Variants in TGFBR3 observed in about 807,000 individuals in gnomAD.
TGFBR3 encodes transforming growth factor beta receptor 3.
Under a neutral mutation model 87.9 loss-of-function variants are expected in TGFBR3, and 46 were observed. That is an observed-to-expected ratio of 0.52 (90% confidence interval 0.41 to 0.67). The LOEUF (loss-of-function observed/expected upper bound fraction) is 0.67. Ranked by LOEUF, TGFBR3 falls within the 30% of genes least tolerant of loss-of-function variation. TGFBR3 has a pLI of 0.00. For synonymous variants in TGFBR3, 381 were observed against 391.6 expected, an observed-to-expected ratio of 0.97 and a Z score of 0.32; for missense variants, 866 against 1,041.9, an observed-to-expected ratio of 0.83 and a Z score of 2.32.
At chr1:91,776,748 T>G (rs1674580818) in intron 3 of TGFBR3, among the ~76,000 whole-genome samples, 1 of 152,200 alleles carries the variant, frequency 6.6e-6, no homozygotes, top group African/African-American at 2.4e-5. Flanking sequence ...ACACTTGGCT[T>G]CCTCATGAGG....
chr1:91,716,929 A>C (rs1319566767), intron 10 of TGFBR3, among the ~76,000 whole-genome samples: 1 of 152,236 alleles, frequency 6.6e-6, no homozygotes, highest in Non-Finnish European at 1.5e-5. Context: ...AGCTAAACTA[A>C]TATTTGTATC....
intron 3 of TGFBR3, among the ~76,000 whole-genome samples, chr1:91,784,562 G>A (rs941125754): frequency 2.6e-5 from 4 of 152,150 alleles, no homozygotes; most frequent in Admixed American, 6.5e-5. Context: ...GATTCAGAGC[G>A]ATGTTTAGAA....
At chr1:91,809,398 G>A (rs757464285) in intron 2 of TGFBR3, among the ~76,000 whole-genome samples, 2 of 152,208 alleles carry the variant, frequency 1.3e-5, no homozygotes, top group Non-Finnish European at 2.9e-5. Flanking sequence ...GCCAGGGTCT[G>A]GGGTGCAGAG....
At position 91,683,784 on chromosome 1, in the gene TGFBR3, G is replaced by T; in HGVS notation, c.2511C>A (p.Ile837=). 1 of 1,605,638 alleles carries T rather than the reference G, an allele frequency of 6.2e-7. No homozygotes were observed. The highest frequency in any genetic ancestry group is 8.5e-7 in the Non-Finnish European group (1 of 1,177,200). The change falls in exon 17 of 17, where the codon ATC becomes ATA. Residue 837 remains isoleucine (I), a synonymous_variant. Coordinates refer to ENST00000212355, the MANE Select transcript of TGFBR3 (RefSeq NM_003243.5). ...AGCAAGGCGTGCTCTGCGTGCTGCCGATGCTGTGGGCAGCACTGCTGTTTT... is the reference window on the plus strand; with the variant it reads ...AGCAAGGCGTGCTCTGCGTGCTGCCTATGCTGTGGGCAGCACTGCTGTTTT... ...ASENSSAAHS[I]GSTQSTPCSS...
chr1:91,775,009 G>A (rs949303963), intron 3 of TGFBR3, among the ~76,000 whole-genome samples: 3 of 152,170 alleles, frequency 2.0e-5, no homozygotes, highest in African/African-American at 7.2e-5. Flanking sequence ...CCAAATGTTT[G>A]TTATAGATAA....
At chr1:91,731,943 G>A (rs1672790135) in intron 5 of TGFBR3, among the ~76,000 whole-genome samples, 1 of 152,198 alleles carries the variant, frequency 6.6e-6, no homozygotes, top group African/African-American at 2.4e-5. Flanking sequence ...TTTGTTGTGT[G>A]TGGTTTCTCC....
At chr1:91,825,751 C>T (rs1021141907) in intron 2 of TGFBR3, among the ~76,000 whole-genome samples, 7 of 152,114 alleles carry the variant, frequency 4.6e-5, no homozygotes, top group Non-Finnish European at 7.4e-5. Flanking sequence ...GAGGCCAAGG[C>T]GGGTGGATCA....
intron 1 of TGFBR3, among the ~76,000 whole-genome samples, chr1:91,900,940 G>A (rs1160750377): frequency 6.6e-6 from 1 of 152,172 alleles, no homozygotes; most frequent in Non-Finnish European, 1.5e-5. Context: ...TGCTCAGGCT[G>A]GCCTCAAACT....
intron 2 of TGFBR3, among the ~76,000 whole-genome samples, chr1:91,828,317 T>G (rs1676721965): frequency 6.6e-6 from 1 of 152,198 alleles, no homozygotes; most frequent in South Asian, 2.1e-4. Flanking sequence ...TATTTTGGCT[T>G]CATTAACTAG....
upstream of TGFBR3, among the ~76,000 whole-genome samples, chr1:91,888,408 A>G (rs1679380440): frequency 6.6e-6 from 1 of 152,242 alleles, no homozygotes; most frequent in Non-Finnish European, 1.5e-5. Flanking sequence ...TTAATCCCAC[A>G]TTTAAATGCA....
chr1:91,790,079 G>A (rs1169679329), intron 3 of TGFBR3, among the ~76,000 whole-genome samples: 1 of 152,176 alleles, frequency 6.6e-6, no homozygotes, highest in East Asian at 1.9e-4. Flanking sequence ...GAAATGGGCA[G>A]GTGGGGAGAG....
At chr1:91,793,034 C>T (rs1287248394) in intron 3 of TGFBR3, among the ~76,000 whole-genome samples, 1 of 152,174 alleles carries the variant, frequency 6.6e-6, no homozygotes, top group African/African-American at 2.4e-5. Flanking sequence ...CAAAACATTG[C>T]TTTGGTACTG....
intron 1 of TGFBR3, among the ~76,000 whole-genome samples, chr1:91,883,977 A>C (rs753014219): frequency 6.6e-6 from 1 of 152,202 alleles, no homozygotes; most frequent in Non-Finnish European, 1.5e-5. Context: ...AAGGAAGCCA[A>C]GTAATGGTGA....
intron 2 of TGFBR3, among the ~76,000 whole-genome samples, chr1:91,896,956 T>G (rs1679566847): frequency 6.6e-6 from 1 of 151,830 alleles, no homozygotes; most frequent in African/African-American, 2.4e-5. Context: ...GTATATATCT[T>G]TTTTAACTTT....
At chr1:91,845,705 A>C (rs1194411657) in intron 2 of TGFBR3, among the ~76,000 whole-genome samples, 1 of 152,078 alleles carries the variant, frequency 6.6e-6, no homozygotes, top group Admixed American at 6.5e-5. Context: ...CATGCACTTG[A>C]TTTCAAATGA....
At chr1:91,752,654 C>T (rs1386292843) in intron 4 of TGFBR3, among the ~76,000 whole-genome samples, 1 of 151,872 alleles carries the variant, frequency 6.6e-6, no homozygotes, top group African/African-American at 2.4e-5. Flanking sequence ...GTCTGCTTGT[C>T]CTAGGGCTCC....
chr1:91,695,017 T>C (rs1304410662), intron 16 of TGFBR3, among the ~76,000 whole-genome samples: 1 of 152,148 alleles, frequency 6.6e-6, no homozygotes, highest in Non-Finnish European at 1.5e-5. Context: ...ATCAGGCTAG[T>C]ATGTTTCAAC....
At chr1:91,850,348 A>G (rs1677678904) in intron 2 of TGFBR3, among the ~76,000 whole-genome samples, 1 of 152,200 alleles carries the variant, frequency 6.6e-6, no homozygotes, top group South Asian at 2.1e-4. Flanking sequence ...GCTATAGAGC[A>G]TTTTGCTTCA....
intron 2 of TGFBR3, among the ~76,000 whole-genome samples, chr1:91,835,341 C>T (rs1038529949): frequency 4.6e-5 from 7 of 152,182 alleles, no homozygotes; most frequent in African/African-American, 1.7e-4. Flanking sequence ...TTCTATGTAG[C>T]TCTACAAGGA....
Sources: gnomAD v4.1 joint callset for allele counts (sites outside exome capture counted in the v4.1 genomes callset) on GRCh38, gnomAD v4.1.1 for gene constraint, MANE v1.5 for transcripts, NCBI Gene and HGNC (gene_info 2026-07-23, HGNC 2026-07-21) for gene names.